The following ZNF268 variants were observed in gnomAD, a reference collection of about 807,000 sequenced individuals.
ZNF268 encodes the protein zinc finger protein 268.
In ZNF268, 20 loss-of-function variants were observed where a neutral mutation model predicts 29.3. That is an observed-to-expected ratio of 0.68 (90% CI 0.48 to 0.99). The LOEUF (loss-of-function observed/expected upper bound fraction) is 0.99, where lower values mean the gene tolerates loss of function less well. Among genes scored for constraint, ZNF268 ranks in the 50% least tolerant of loss-of-function variants. ZNF268 has a pLI of 0.00. For missense variants in ZNF268, 1,240 were observed against 1,121.6 expected (o/e 1.11, Z -1.51); for synonymous variants, 429 against 376.9 (o/e 1.14, Z -1.60).
intron 1 of ZNF268, 75 bp downstream of exon 1, chr12:133,181,761 C>G: frequency 5.3e-6 from 3 of 561,602 alleles, no homozygotes; most frequent in Admixed American, 6.0e-5. Context: ...CTGCTGCTGA[C>G]CCGGGGCGGT....
intron 5 of ZNF268, among the ~76,000 whole-genome samples, chr12:133,195,413 A>G (rs916299579): frequency 2.6e-4 from 39 of 152,218 alleles, no homozygotes; most frequent in Non-Finnish European, 1.3e-4. Flanking sequence ...AATTTTTTAC[A>G]GGAACCATGT....
rs76601625 is a variant in ZNF268, at chr12:133,200,615, C to G, written c.458-1529C>G. 7.2e-5 allele frequency among the ~76,000 whole-genome samples: 11 copies of G among 152,070 alleles called. No individual in the cohort carries two copies. The East Asian group carries it at 1.9e-3, about 27-fold the overall frequency. On this transcript the variant is annotated intron_variant, in intron 5 of 5. Transcript: ENST00000536435. ...TTGTTTTGGGGCATCTATCTATTTT[C>G]TACTCAACCTCCAGATATTTCCTGT...
rs776509465 is a variant in ZNF268 at position 133,202,645 on chromosome 12, T to A, written c.959T>A (p.Ile320Asn). The change falls in exon 6 of 6, where the codon ATT (isoleucine) becomes AAT (asparagine). Residue 320 changes from isoleucine to asparagine, a missense_variant. Physicochemically the swap from Ile to Asn is moderately radical, Grantham distance 149. Around this residue, in one of 3 missense-constraint regions of ZNF268, gnomAD observed 1,177 missense variants for 1,039.6 expected, o/e 1.13. Coordinates refer to ENST00000536435, the MANE Select transcript of ZNF268 (RefSeq NM_003415.3). ...GKDFSSKSYL[I>N]VHQRIHTGEK... ...GACTTCAGTAGTAAATCATACCTCA[T>A]TGTACATCAGAGAATTCATACAGGA... The A allele has an allele frequency of 6.2e-7, 1 of 1,605,770 alleles. No individual in the cohort carries two copies. The highest frequency in any genetic ancestry group is 1.1e-5 in the South Asian group (1 of 90,146).
chr12:133,183,246 T>C (rs1956222520), intron 2 of ZNF268, among the ~76,000 whole-genome samples: 1 of 152,132 alleles, frequency 6.6e-6, no homozygotes, highest in South Asian at 2.1e-4. Flanking sequence ...AGTTTACTTA[T>C]TGAAGTGTTT....
intron 5 of ZNF268, among the ~76,000 whole-genome samples, chr12:133,195,382 C>T (rs1217416938): frequency 1.3e-5 from 2 of 152,120 alleles, no homozygotes; most frequent in Non-Finnish European, 2.9e-5. Flanking sequence ...TTAAGAATGC[C>T]TGATCATGTT....
chr12:133,196,485 C>A (rs754994259), intron 5 of ZNF268, among the ~76,000 whole-genome samples: 2 of 151,948 alleles, frequency 1.3e-5, no homozygotes, highest in Non-Finnish European at 2.9e-5. Flanking sequence ...TTTCCAATGA[C>A]GAAAGCAGAG....
At position 133,191,996 on chromosome 12, in the gene ZNF268, C is replaced by T. The variant is rs1418855913; in HGVS notation, c.450C>T (p.Thr150=). 2 of 1,611,880 alleles carry T rather than the reference C, an allele frequency of 1.2e-6. No individual in the cohort carries two copies. Among genetic ancestry groups the T allele is most frequent in the African/African-American group, 1.3e-5 (1 of 74,846 alleles). The change falls in exon 5 of 6, where the codon ACC becomes ACT. Residue 150 remains threonine, a synonymous_variant. Transcript: ENST00000536435. ...CMVQAQVPNQ[T]CPNTVWKIDD... ...TGCAGGCCCAAGTTCCAAATCAGACCTGTCCAAGTGAGTGATGGAGACAAA... is the reference window on the plus strand; with the variant it reads ...TGCAGGCCCAAGTTCCAAATCAGACTTGTCCAAGTGAGTGATGGAGACAAA...
Position 133,202,958 on chromosome 12 carries a change from C to CT in ZNF268, c.1275dup (p.Asn426Ter), listed in dbSNP as rs1566382468. 1 of 1,546,512 alleles carries CT rather than the reference C, an allele frequency of 6.5e-7. No homozygotes were observed. Among genetic ancestry groups the CT allele is most frequent in the Admixed American group, 1.9e-5 (1 of 51,396 alleles). ...ATGAATGCAATGAATGTCAGAAAGC[C>CT]TTTAATACAAAGTCAAACCTTATGG... is the stretch of plus-strand genomic sequence containing the variant. On this transcript the variant is annotated frameshift_variant, in exon 6 of 6. Coordinates refer to ENST00000536435, the MANE Select transcript of ZNF268 (RefSeq NM_003415.3). LOFTEE classifies it low-confidence loss of function (END_TRUNC).
intron 3 of ZNF268, among the ~76,000 whole-genome samples, chr12:133,190,750 T>C (rs1956447596): frequency 1.3e-5 from 2 of 152,236 alleles, no homozygotes; most frequent in Non-Finnish European, 2.9e-5. Context: ...CTTCTTCCTT[T>C]GTGCCTACGT....
At position 133,188,076 on chromosome 12, in the gene ZNF268, A is replaced by G; in HGVS notation, c.234+4A>G. The G allele has an allele frequency of 6.3e-7, 1 of 1,575,280 alleles. No individual in the cohort carries two copies. The highest frequency in any genetic ancestry group is 1.4e-5 in the African/African-American group (1 of 73,688). On this transcript the variant is annotated splice_donor_region_variant and intron_variant, in intron 3 of 5. Coordinates refer to ENST00000536435, the MANE Select transcript of ZNF268 (RefSeq NM_003415.3). ...GCCAAAAATCACCAAGTCCTGGGTG[A>G]GCTTCTCATTTGTTTATTCCTAGTG...
rs754398589 is a variant in ZNF268, at chr12:133,202,835, A to G, written c.1149A>G (p.Ser383=). The G allele has an allele frequency of 6.9e-6, 11 of 1,594,412 alleles. No homozygotes were observed. The African/African-American group carries it at 1.1e-4, about 16-fold the overall frequency. The change falls in exon 6 of 6, where the codon TCA becomes TCG. Residue 383 remains serine, a synonymous_variant. Coordinates refer to ENST00000536435, the MANE Select transcript of ZNF268 (RefSeq NM_003415.3). ...TTGTTTCACACCAGAAAACTCATTC[A>G]GGACAGAAACCATATGTGTGTAATG... The part of the protein sequence containing the change: ...DQLVSHQKTH[S]GQKPYVCNEC...
rs764286406 is a variant in ZNF268 at position 133,187,881 on chromosome 12, C to T, written c.43C>T (p.Leu15Phe). 2.5e-6 allele frequency: 4 copies of T among 1,593,158 alleles called. No homozygotes were observed. The highest frequency in any genetic ancestry group is 2.6e-6 in the Non-Finnish European group (3 of 1,169,416). ...VRTASIWVPP[L>F]QERNSSWDRI... ...GCTCTTGAGTCCACAGGTCCCACCT[C>T]TCCAAGAACGAAACAGTTCATGGGA... The change falls in exon 3 of 6, where the codon CTC becomes TTC. Residue 15 changes from leucine (L) to phenylalanine (F), a missense_variant. By Grantham distance (22) the Leu-to-Phe change is conservative. Coordinates refer to ENST00000536435, the MANE Select transcript of ZNF268 (RefSeq NM_003415.3).
At chr12:133,191,347 TG>T in intron 3 of ZNF268, 141 bp from the exon 4 acceptor site, 1 of 869,792 alleles carries the variant, frequency 1.1e-6, no homozygotes. Flanking sequence ...GAAAGATGAC[TG>T]ATTTAATGCA....
At chr12:133,190,807 T>G (rs2135495889) in intron 3 of ZNF268, among the ~76,000 whole-genome samples, 1 of 152,334 alleles carries the variant, frequency 6.6e-6, no homozygotes, top group Non-Finnish European at 1.5e-5. Context: ...TTCAGTTGCA[T>G]TTGCATATGT....
At chr12:133,196,481 A>G (rs1366389070) in intron 5 of ZNF268, among the ~76,000 whole-genome samples, 3 of 152,148 alleles carry the variant, frequency 2.0e-5, no homozygotes. Flanking sequence ...TAGATTTCCA[A>G]TGACGAAAGC....
At chr12:133,193,631 C>A (rs1468579049) in intron 5 of ZNF268, 2 of 480,794 alleles carry the variant, frequency 4.2e-6, no homozygotes, top group Non-Finnish European at 7.5e-6. Context: ...GAGGGCACAA[C>A]TTAATCTTCT....
chr12:133,186,522 C>T (rs546649061), intron 2 of ZNF268, among the ~76,000 whole-genome samples: 8 of 151,796 alleles, frequency 5.3e-5, no homozygotes, highest in South Asian at 2.1e-4. Context: ...TACAGGTGTA[C>T]GCTGCCACGC....
rs1956905742 is a variant in ZNF268 at position 133,206,770 on chromosome 12, T to A, written c.*2240T>A. The stretch of plus-strand genomic sequence containing the variant: ...ATCTCAAGATACTTGGGGTGAAGAA[T>A]GATGATTCACAGAAGGGAAGGGACA... On this transcript the variant is annotated 3_prime_UTR_variant, in exon 6 of 6. Coordinates refer to ENST00000536435, the MANE Select transcript of ZNF268 (RefSeq NM_003415.3). The A allele has an allele frequency of 6.6e-6, 1 of 152,204 alleles. No individual in the cohort carries two copies. Among genetic ancestry groups the A allele is most frequent in the South Asian group, 2.1e-4 (1 of 4,828 alleles). The allele number at this position is 152,204 out of a possible 1,614,324, so 9.4% of individuals were successfully genotyped here. A position where few individuals can be genotyped will look rare whatever the true frequency, so the allele number is the denominator to read the frequency against.
At chr12:133,200,333 C>T (rs142535545) in intron 5 of ZNF268, among the ~76,000 whole-genome samples, 3,112 of 152,164 alleles carry the variant, frequency 0.02, 110 homozygotes, top group African/African-American at 0.072. Flanking sequence ...TGTAGTTGAG[C>T]GGTTTTGAGT....
Sources: allele counts gnomAD v4.1 joint callset (sites outside exome capture counted in the v4.1 genomes callset), GRCh38; gene constraint gnomAD v4.1.1; regional missense constraint gnomAD v4.1.1; transcripts MANE v1.5; gene names NCBI Gene and HGNC (gene_info 2026-07-23, HGNC 2026-07-21).